Variants in ATRNL1 observed in about 807,000 individuals in gnomAD.
The protein encoded by ATRNL1 is attractin like 1.
A neutral mutation model predicts 182.7 loss-of-function variants in ATRNL1; 95 were observed. The observed-to-expected ratio is 0.52, with a 90% CI of 0.44 to 0.62. The LOEUF (loss-of-function observed/expected upper bound fraction) is 0.62. ATRNL1 is among the 20% of genes least tolerant of loss of function. ATRNL1 has a pLI of 0.00. For missense variants in ATRNL1, 1,471 were observed against 1,679.5 expected, an observed-to-expected ratio of 0.88 and a Z score of 2.17; for synonymous variants, 576 against 568.3, an observed-to-expected ratio of 1.01 and a Z score of -0.19.
chr10:115,940,126 G>A (rs1555123845), intron 28 of ATRNL1, among the ~76,000 whole-genome samples: 2 of 152,156 alleles, frequency 1.3e-5, no homozygotes, highest in African/African-American at 4.8e-5. Flanking sequence ...GCAGGAATGG[G>A]AAATCTTTAT....
At chr10:115,518,046 A>T (rs1225529578) in intron 24 of ATRNL1, among the ~76,000 whole-genome samples, 2 of 151,950 alleles carry the variant, frequency 1.3e-5, no homozygotes, top group Admixed American at 6.6e-5. Context: ...TTACATGTAC[A>T]TGCCAAAGAA....
chr10:115,463,060 T>A (rs1847892742), intron 22 of ATRNL1, among the ~76,000 whole-genome samples: 1 of 151,760 alleles, frequency 6.6e-6, no homozygotes, highest in Non-Finnish European at 1.5e-5. Context: ...ATCCATATTG[T>A]TAAATGATAT....
chr10:115,209,424 T>A (rs1407933395), intron 8 of ATRNL1, among the ~76,000 whole-genome samples: 1 of 147,444 alleles, frequency 6.8e-6, no homozygotes, highest in South Asian at 2.1e-4. Flanking sequence ...TTTATTTTGT[T>A]TTTTTTTTTT....
At chr10:115,548,422 A>G (rs1852789777) in intron 25 of ATRNL1, among the ~76,000 whole-genome samples, 2 of 152,210 alleles carry the variant, frequency 1.3e-5, no homozygotes, top group Admixed American at 6.5e-5. Context: ...CTTATGAGTG[A>G]CTTAAGTGAT....
chr10:115,569,240 A>G (rs190447188), intron 26 of ATRNL1, among the ~76,000 whole-genome samples: 1 of 152,142 alleles, frequency 6.6e-6, no homozygotes, highest in Non-Finnish European at 1.5e-5. Context: ...AATGCATTCT[A>G]TTTTGTAGTA....
intron 1 of ATRNL1, among the ~76,000 whole-genome samples, chr10:115,100,886 G>T (rs998304704): frequency 6.6e-6 from 1 of 152,130 alleles, no homozygotes; most frequent in Non-Finnish European, 1.5e-5. Context: ...TATTTATTTA[G>T]TTGTTTAATC....
intron 5 of ATRNL1, among the ~76,000 whole-genome samples, chr10:115,134,344 A>T (rs191349066): frequency 7.0e-4 from 107 of 152,326 alleles, no homozygotes; most frequent in African/African-American, 2.4e-3. Flanking sequence ...ATAAAAAATG[A>T]TAAAGGGGAT....
At chr10:115,864,198 G>A (rs1411508207) in intron 28 of ATRNL1, among the ~76,000 whole-genome samples, 10 of 151,668 alleles carry the variant, frequency 6.6e-5, no homozygotes, top group Non-Finnish European at 1.3e-4. Context: ...GATTGAGGCT[G>A]CAGTAAGCTG....
chr10:115,308,256 G>A lies in ATRNL1; in HGVS notation c.2818+6213G>A, dbSNP rs7073172. 6.0e-4 allele frequency among the ~76,000 whole-genome samples: 91 copies of A among 152,130 alleles called. 1 individual carries two copies. The highest frequency in any genetic ancestry group is 2.0e-3 in the African/African-American group (82 of 41,512). On this transcript the variant is annotated intron_variant, in intron 17 of 28. Transcript: ENST00000355044. The stretch of plus-strand genomic sequence containing the variant: ...TCTGAGAAAGCTTTGCTAATAATTG[G>A]CATTATTAGTAATTGATATATTTTG...
intron 8 of ATRNL1, among the ~76,000 whole-genome samples, chr10:115,176,914 A>G (rs962170770): frequency 2.6e-5 from 4 of 152,104 alleles, no homozygotes; most frequent in Non-Finnish European, 4.4e-5. Flanking sequence ...CTGGAGTCCT[A>G]GAGAGAAAGA....
At chr10:115,292,476 G>T (rs1311314021) in intron 15 of ATRNL1, among the ~76,000 whole-genome samples, 16 of 148,862 alleles carry the variant, frequency 1.1e-4, no homozygotes, top group African/African-American at 3.7e-4. Flanking sequence ...CATTCTGTTT[G>T]TTTTTTTTGA....
intron 1 of ATRNL1, among the ~76,000 whole-genome samples, chr10:115,105,143 A>G (rs1310094599): frequency 6.6e-6 from 1 of 152,170 alleles, no homozygotes; most frequent in Non-Finnish European, 1.5e-5. Context: ...TGGTTTGGAT[A>G]GTATGGACAT....
chr10:115,619,497 T>C (rs1555021967), intron 26 of ATRNL1, among the ~76,000 whole-genome samples: 1 of 152,178 alleles, frequency 6.6e-6, no homozygotes, highest in South Asian at 2.1e-4. Context: ...TGGGCCAGTC[T>C]TCAGGCCCCT....
At chr10:115,727,125 G>C in intron 26 of ATRNL1, 123 bp from the exon 27 acceptor site, 1 of 671,594 alleles carries the variant, frequency 1.5e-6, no homozygotes, top group Non-Finnish European at 2.6e-6. Context: ...TCTAGATATG[G>C]ATATCTGTAT....
intron 9 of ATRNL1, among the ~76,000 whole-genome samples, chr10:115,216,914 ATTC>A (rs1554896409): frequency 6.6e-6 from 1 of 151,816 alleles, no homozygotes; most frequent in African/African-American, 2.4e-5. Context: ...ATGTAGTTTT[ATTC>A]TTTATATTTT....
chr10:115,785,246 AG>A, intron 27 of ATRNL1, among the ~76,000 whole-genome samples: 1 of 152,362 alleles, frequency 6.6e-6, no homozygotes, highest in South Asian at 2.1e-4. Flanking sequence ...AAAGGAATAA[AG>A]GGATCACTGG....
chr10:115,814,614 T>G lies in ATRNL1; in HGVS notation c.3904-33263T>G, dbSNP rs552111757. Reference sequence around the variant, plus strand: ...TGGACAAGGCAGACTAAATGTTTTTTTCCTAAGGGTTTCTTCTTAACATTC... The same window carrying G: ...TGGACAAGGCAGACTAAATGTTTTTGTCCTAAGGGTTTCTTCTTAACATTC... On this transcript the variant is annotated intron_variant, in intron 27 of 28. Coordinates refer to ENST00000355044, the MANE Select transcript of ATRNL1 (RefSeq NM_207303.4). Among the ~76,000 whole-genome samples, 3 of 152,302 alleles carry G rather than the reference T, an allele frequency of 2.0e-5. No homozygotes were observed. The South Asian group carries it at 6.2e-4, about 32-fold the overall frequency.
At chr10:115,779,982 T>A (rs1361226356) in intron 27 of ATRNL1, among the ~76,000 whole-genome samples, 2 of 152,198 alleles carry the variant, frequency 1.3e-5, no homozygotes, top group African/African-American at 4.8e-5. Context: ...GAAAAGCACC[T>A]TCATAAGTAC....
chr10:115,579,400 T>C (rs1418432027), intron 26 of ATRNL1, among the ~76,000 whole-genome samples: 1 of 151,828 alleles, frequency 6.6e-6, no homozygotes, highest in African/African-American at 2.4e-5. Flanking sequence ...AATTATTATG[T>C]CGTCTTGATA....
Sources: allele counts gnomAD v4.1 joint callset (sites outside exome capture counted in the v4.1 genomes callset), GRCh38; gene constraint gnomAD v4.1.1; transcripts MANE v1.5; gene names NCBI Gene and HGNC (gene_info 2026-07-23, HGNC 2026-07-21).